Variants in YWHAE observed in about 807,000 individuals in gnomAD.
YWHAE encodes the protein tyrosine 3-monooxygenase/tryptophan 5-monooxygenase activation protein epsilon, also known as 14-3-3 protein epsilon.
A neutral mutation model predicts 30.1 loss-of-function variants in YWHAE; 4 were observed. The observed-to-expected ratio is 0.13, with a 90% CI of 0.07 to 0.30. YWHAE has a LOEUF of 0.30. Among genes scored for constraint, YWHAE ranks in the 10% least tolerant of loss-of-function variants. The pLI, the probability that YWHAE is intolerant of heterozygous loss-of-function variation, is 1.00. For synonymous variants in YWHAE, 118 were observed against 111.8 expected (o/e 1.06, Z -0.35); for missense variants, 121 against 315.9 (o/e 0.38, Z 4.68).
chr17:1,375,846 A>C (rs565670739), intron 1 of YWHAE, among the ~76,000 whole-genome samples: 5 of 152,160 alleles, frequency 3.3e-5, no homozygotes, highest in Admixed American at 3.3e-4. Context: ...GTGTTCTTTC[A>C]ACTATGTTGT....
chr17:1,381,351 C>G (rs1251239597), intron 1 of YWHAE, among the ~76,000 whole-genome samples: 1 of 151,932 alleles, frequency 6.6e-6, no homozygotes, highest in Non-Finnish European at 1.5e-5. Context: ...CCCGACTCTA[C>G]TAAAAACACA....
chr17:1,370,542 T>A (rs2073023613), intron 1 of YWHAE, among the ~76,000 whole-genome samples: 1 of 152,050 alleles, frequency 6.6e-6, no homozygotes, highest in Non-Finnish European at 1.5e-5. Flanking sequence ...GCAATTCTCC[T>A]GCCTCAGCCT....
chr17:1,355,166 TTTTTTTG>T (rs1157526093), intron 4 of YWHAE, among the ~76,000 whole-genome samples: 4 of 34,834 alleles, frequency 1.1e-4, no homozygotes, highest in Admixed American at 3.8e-4. Flanking sequence ...TTTTTTTTTT[TTTTTTTG>T]GGGGACGGGG....
intron 1 of YWHAE, among the ~76,000 whole-genome samples, chr17:1,385,420 T>C (rs2073285474): frequency 6.6e-6 from 1 of 152,126 alleles, no homozygotes; most frequent in East Asian, 1.9e-4. Context: ...AACGAAAAAG[T>C]ACACCATACT....
intron 1 of YWHAE, among the ~76,000 whole-genome samples, chr17:1,397,504 A>G (rs1004758564): frequency 1.3e-5 from 2 of 152,190 alleles, no homozygotes; most frequent in African/African-American, 4.8e-5. Flanking sequence ...TGAGGATACA[A>G]AGAAGTTTAG....
chr17:1,381,600 A>G (rs2073208110), intron 1 of YWHAE, among the ~76,000 whole-genome samples: 1 of 151,944 alleles, frequency 6.6e-6, no homozygotes, highest in African/African-American at 2.4e-5. Context: ...CAAACTATCA[A>G]CTAATCAAAA....
intron 1 of YWHAE, among the ~76,000 whole-genome samples, chr17:1,374,223 C>T (rs1422551664): frequency 2.0e-5 from 3 of 151,678 alleles, no homozygotes; most frequent in African/African-American, 7.3e-5. Context: ...GAGGCTGAAG[C>T]AGGACAACTG....
rs557912642 is a variant in YWHAE, at chr17:1,368,805, C to A, written c.65-3747G>T. ...CTGTAATTAAACTTTCTAAACTGAT[C>A]GCAAAGTAAATCTTAAGTAACCCAG... On this transcript the variant is annotated intron_variant, in intron 1 of 5. Transcript: ENST00000264335. Among the ~76,000 whole-genome samples, 10 of 152,252 alleles carry A rather than the reference C, an allele frequency of 6.6e-5. No homozygotes were observed. In the South Asian group the frequency reaches 1.7e-3, roughly 25 times the overall value.
chr17:1,348,138 C>T (rs190203015), intron 5 of YWHAE: 23 of 239,020 alleles, frequency 9.6e-5, no homozygotes, highest in Non-Finnish European at 1.4e-4. Context: ...TTCGTGTAAA[C>T]TTCACTCTAA....
At chr17:1,396,070 G>C (rs139475610) in intron 1 of YWHAE, among the ~76,000 whole-genome samples, 1,760 of 152,240 alleles carry the variant, frequency 0.012, 30 homozygotes, top group African/African-American at 0.04. Context: ...AGTGAGCCGA[G>C]ATCGCGCTAT....
At chr17:1,356,371 G>A (rs1056941562) in intron 4 of YWHAE, among the ~76,000 whole-genome samples, 4 of 152,140 alleles carry the variant, frequency 2.6e-5, no homozygotes, top group African/African-American at 4.8e-5. Flanking sequence ...AACAAAAGAA[G>A]AAGAAGAATG....
rs1231807655 is a variant in YWHAE, at chr17:1,354,201, G to A, written c.715+10C>T. The A allele has an allele frequency of 6.2e-7, 1 of 1,611,326 alleles. No individual in the cohort carries two copies. The highest frequency in any genetic ancestry group is 8.5e-7 in the Non-Finnish European group (1 of 1,179,066). On this transcript the variant is annotated intron_variant, in intron 5 of 5. Transcript: ENST00000264335. ...GAAAGAGGTGCCTGTTTCACTCCGTGCTTGCTTACCGTCACCCTGCATGTC... is the reference window on the plus strand; with the variant it reads ...GAAAGAGGTGCCTGTTTCACTCCGTACTTGCTTACCGTCACCCTGCATGTC...
chr17:1,383,157 C>T lies in YWHAE; in HGVS notation c.64+16890G>A, dbSNP rs184734538. Among the ~76,000 whole-genome samples, 10 of 152,032 alleles carry T rather than the reference C, an allele frequency of 6.6e-5. No homozygotes were observed. In the East Asian group the frequency reaches 2.0e-3, roughly 30 times the overall value. ...CCTGAGGTCGAGAGTTCGAGACCAG[C>T]CTGACCAACATAGAGAAACCCCATC... On this transcript the variant is annotated intron_variant, in intron 1 of 5. Coordinates refer to ENST00000264335, the MANE Select transcript of YWHAE (RefSeq NM_006761.5).
intron 4 of YWHAE, among the ~76,000 whole-genome samples, chr17:1,358,394 C>T (rs556882929): frequency 2.0e-5 from 3 of 152,232 alleles, no homozygotes; most frequent in East Asian, 3.9e-4. Flanking sequence ...CGCCCGCCAC[C>T]ACGCCCGGCT....
At chr17:1,357,068 G>A (rs1374588836) in intron 4 of YWHAE, among the ~76,000 whole-genome samples, 7 of 151,136 alleles carry the variant, frequency 4.6e-5, no homozygotes, top group Admixed American at 2.0e-4. Flanking sequence ...AGGAGATCGA[G>A]ACCATCCTGG....
chr17:1,349,773 C>T (rs1228464829), intron 5 of YWHAE, among the ~76,000 whole-genome samples: 3 of 151,228 alleles, frequency 2.0e-5, no homozygotes, highest in East Asian at 1.9e-4. Flanking sequence ...CCACCACGCC[C>T]GGGTAATTTT....
chr17:1,360,985 T>C (rs563905117), intron 4 of YWHAE, 107 bp downstream of exon 4: 5 of 1,018,562 alleles, frequency 4.9e-6, no homozygotes, highest in South Asian at 4.5e-5. Context: ...AAAGAATTAC[T>C]ATGCAGCCAA....
intron 1 of YWHAE, among the ~76,000 whole-genome samples, chr17:1,390,280 T>C (rs2073370245): frequency 6.6e-6 from 1 of 152,192 alleles, no homozygotes; most frequent in Non-Finnish European, 1.5e-5. Flanking sequence ...AAATTATTAT[T>C]TGGGAATAAT....
At chr17:1,357,827 T>G (rs1209154468) in intron 4 of YWHAE, among the ~76,000 whole-genome samples, 1 of 150,992 alleles carries the variant, frequency 6.6e-6, no homozygotes, top group Non-Finnish European at 1.5e-5. Context: ...CCTGGGAGGC[T>G]GAAGCAGGAG....
Sources: gnomAD v4.1 joint callset for allele counts (sites outside exome capture counted in the v4.1 genomes callset) on GRCh38, gnomAD v4.1.1 for gene constraint, MANE v1.5 for transcripts, NCBI Gene and HGNC (gene_info 2026-07-23, HGNC 2026-07-21) for gene names.